METTL24: variants seen among roughly 807,000 people sequenced by gnomAD.
The protein encoded by METTL24 is methyltransferase like 24.
A neutral mutation model predicts 32.7 loss-of-function variants in METTL24; 29 were observed. The observed-to-expected ratio is 0.89, with a 90% confidence interval of 0.66 to 1.21. The LOEUF is 1.21. METTL24 is among the 50% of genes most tolerant of loss of function. METTL24 has a pLI of 0.00. For synonymous variants in METTL24, 163 were observed against 179.5 expected, an observed-to-expected ratio of 0.91 and a Z score of 0.73; for missense variants, 439 against 468.1, an observed-to-expected ratio of 0.94 and a Z score of 0.57.
chr6:110,322,757 T>C lies in METTL24; in HGVS notation c.417+17A>G. The C allele has an allele frequency of 1.2e-6, 2 of 1,601,564 alleles. No homozygotes were observed. The highest frequency in any genetic ancestry group is 1.7e-6 in the Non-Finnish European group (2 of 1,171,536). ...CTTTCACATTCTTCTCTAACTTCTT[T>C]GAGCCTGAAACACAACCTGGGTGGT... On this transcript the variant is annotated intron_variant, in intron 2 of 4. Coordinates refer to ENST00000338882, the MANE Select transcript of METTL24 (RefSeq NM_001123364.3).
In METTL24 at chr6:110,302,555, GTA is replaced by G. The variant is rs1343375011; in HGVS notation, c.558-3407_558-3406del. 7.9e-5 allele frequency among the ~76,000 whole-genome samples: 8 copies of G among 101,488 alleles called. No homozygotes were observed. The South Asian group carries it at 1.5e-3, about 20-fold the overall frequency. 66.6% of individuals were successfully genotyped at this position (101,488 alleles called of 152,430 possible). A position where few individuals can be genotyped will look rare whatever the true frequency, so the allele number is the denominator to read the frequency against. On this transcript the variant is annotated intron_variant, in intron 3 of 4. Coordinates refer to ENST00000338882, the MANE Select transcript of METTL24 (RefSeq NM_001123364.3). The stretch of plus-strand genomic sequence containing the variant: ...TATACACATATACACACACATATGT[GTA>G]TATATACACACATACACACACATAT...
intron 4 of METTL24, among the ~76,000 whole-genome samples, chr6:110,284,169 CAT>C (rs1771181973): frequency 6.6e-6 from 1 of 152,094 alleles, no homozygotes; most frequent in African/African-American, 2.4e-5. Flanking sequence ...TAGGCAAATT[CAT>C]AGAGACAGGA....
At chr6:110,297,496 T>C (rs1476999162) in intron 4 of METTL24, among the ~76,000 whole-genome samples, 1 of 152,154 alleles carries the variant, frequency 6.6e-6, no homozygotes, top group African/African-American at 2.4e-5. Flanking sequence ...GGCTAGGATG[T>C]AAAGAGCATA....
chr6:110,315,523 G>T (rs1361964901), intron 2 of METTL24, 42 bp from the exon 3 acceptor site: 3 of 1,607,430 alleles, frequency 1.9e-6, no homozygotes, highest in Admixed American at 3.3e-5. Context: ...TGAAATGTTG[G>T]ATGATAAATA....
intron 3 of METTL24, among the ~76,000 whole-genome samples, chr6:110,309,840 G>T (rs1367227237): frequency 2.0e-5 from 3 of 150,846 alleles, no homozygotes; most frequent in Non-Finnish European, 4.4e-5. Flanking sequence ...ACTCCCAAAG[G>T]GGTAAAATGT....
intron 2 of METTL24, 33 bp from the exon 3 acceptor site, chr6:110,315,514 G>C: frequency 6.2e-7 from 1 of 1,610,488 alleles, no homozygotes; most frequent in Non-Finnish European, 8.5e-7. Context: ...TGAATAATTT[G>C]AAATGTTGGA....
chr6:110,276,079 C>T (rs969257188), intron 4 of METTL24, among the ~76,000 whole-genome samples: 2 of 152,170 alleles, frequency 1.3e-5, no homozygotes, highest in Non-Finnish European at 2.9e-5. Context: ...CCCTTTCCAC[C>T]TCAGCCAGCT....
intron 4 of METTL24, among the ~76,000 whole-genome samples, chr6:110,278,162 C>A (rs1771078803): frequency 6.6e-6 from 1 of 152,170 alleles, no homozygotes; most frequent in African/African-American, 2.4e-5. Flanking sequence ...GTAATTATTT[C>A]ACAGGCATGC....
intron 4 of METTL24, among the ~76,000 whole-genome samples, chr6:110,261,266 G>C (rs1770721837): frequency 6.6e-6 from 1 of 152,092 alleles, no homozygotes; most frequent in African/African-American, 2.4e-5. Context: ...TAAAGGGATG[G>C]AGGAAGATCC....
intron 1 of METTL24, among the ~76,000 whole-genome samples, chr6:110,329,377 A>G (rs1002270746): frequency 5.9e-5 from 9 of 152,184 alleles, no homozygotes; most frequent in African/African-American, 2.2e-4. Flanking sequence ...TCTGGGAGAA[A>G]CAAATCCAAA....
At chr6:110,297,896 G>A (rs1771448521) in intron 4 of METTL24, among the ~76,000 whole-genome samples, 1 of 152,112 alleles carries the variant, frequency 6.6e-6, no homozygotes, top group Non-Finnish European at 1.5e-5. Flanking sequence ...TGTTCTTGAA[G>A]AAGCATGGGC....
At chr6:110,333,428 A>G (rs1772145964) in intron 1 of METTL24, among the ~76,000 whole-genome samples, 1 of 151,868 alleles carries the variant, frequency 6.6e-6, no homozygotes, top group African/African-American at 2.4e-5. Context: ...TTATTGGCAT[A>G]TTTTTCACTT....
intron 1 of METTL24, among the ~76,000 whole-genome samples, chr6:110,348,344 G>C (rs1245001286): frequency 6.6e-6 from 1 of 152,222 alleles, no homozygotes; most frequent in Non-Finnish European, 1.5e-5. Context: ...CCATCTTATA[G>C]ATGAAGCTGC....
chr6:110,262,662 C>CA (rs754580933), intron 4 of METTL24, among the ~76,000 whole-genome samples: 43 of 151,538 alleles, frequency 2.8e-4, no homozygotes, highest in Non-Finnish European at 4.9e-4. Context: ...AGAGACACAA[C>CA]AAAAAAAAGA....
intron 1 of METTL24, among the ~76,000 whole-genome samples, chr6:110,343,438 G>A (rs1371230148): frequency 6.6e-6 from 1 of 152,216 alleles, no homozygotes; most frequent in African/African-American, 2.4e-5. Flanking sequence ...GAATTGTCTA[G>A]TAGTAGAGAG....
rs1778140776 is a variant in METTL24, at chr6:110,245,604, A to T, written c.*342T>A. On this transcript the variant is annotated 3_prime_UTR_variant, in exon 5 of 5. Transcript: ENST00000338882. ...ACTTAAAAATCTCACCAACCTAGTA[A>T]AAATAGGAAATTTATATAATTTCAT... Among the ~76,000 whole-genome samples the T allele has an allele frequency of 6.6e-6, 1 of 152,244 alleles. No individual in the cohort carries two copies. The highest frequency in any genetic ancestry group is 6.5e-5 in the Admixed American group (1 of 15,284).
chr6:110,310,690 C>A (rs1771706242), intron 3 of METTL24, among the ~76,000 whole-genome samples: 1 of 152,206 alleles, frequency 6.6e-6, no homozygotes, highest in South Asian at 2.1e-4. Flanking sequence ...CACTCACAGA[C>A]AAATGCCTTT....
At chr6:110,267,361 A>G (rs963618651) in intron 4 of METTL24, among the ~76,000 whole-genome samples, 34 of 152,244 alleles carry the variant, frequency 2.2e-4, no homozygotes, top group Non-Finnish European at 4.6e-4. Context: ...ATGAGAGGGG[A>G]AAAACTTTCT....
intron 4 of METTL24, among the ~76,000 whole-genome samples, chr6:110,284,612 G>A (rs1771188651): frequency 6.9e-6 from 1 of 145,420 alleles, no homozygotes; most frequent in Non-Finnish European, 1.5e-5. Context: ...TGAATATGAA[G>A]AAGTGAAGGT....
Sources: gnomAD v4.1 joint callset for allele counts (sites outside exome capture counted in the v4.1 genomes callset) on GRCh38, gnomAD v4.1.1 for gene constraint, MANE v1.5 for transcripts, NCBI Gene and HGNC (gene_info 2026-07-23, HGNC 2026-07-21) for gene names.